Variants in NLGN1 observed in about 807,000 individuals in gnomAD.
The protein encoded by NLGN1 is neuroligin 1, also known as neuroligin-1.
In NLGN1, 12 loss-of-function variants were observed where a neutral mutation model predicts 65.5. The ratio of observed to expected loss-of-function variants is 0.18; its 90% CI spans 0.12 to 0.30. The LOEUF is 0.30. NLGN1 is among the 10% of genes least tolerant of loss of function. NLGN1 has a pLI of 1.00. For synonymous variants in NLGN1, 350 were observed against 359.5 expected (o/e 0.97, Z 0.30); for missense variants, 750 against 1,007.1 (o/e 0.74, Z 3.46).
chr3:173,671,440 C>G (rs1762435380), intron 3 of NLGN1, among the ~76,000 whole-genome samples: 1 of 152,088 alleles, frequency 6.6e-6, no homozygotes, highest in South Asian at 2.1e-4. Context: ...TGTGATTGCG[C>G]CACTGCACTC....
At chr3:173,669,745 C>G (rs571796026) in intron 3 of NLGN1, among the ~76,000 whole-genome samples, 1 of 152,192 alleles carries the variant, frequency 6.6e-6, no homozygotes, top group African/African-American at 2.4e-5. Context: ...TTGGGTGCTT[C>G]CTAGTATTTT....
intron 2 of NLGN1, among the ~76,000 whole-genome samples, chr3:173,527,155 A>G (rs148192891): frequency 1.1e-3 from 168 of 152,250 alleles, no homozygotes; most frequent in African/African-American, 3.8e-3. Context: ...ACCTTTCTCC[A>G]CAGTGGAGAA....
intron 2 of NLGN1, among the ~76,000 whole-genome samples, chr3:173,532,146 CTG>C (rs1356570492): frequency 6.6e-6 from 1 of 152,116 alleles, no homozygotes; most frequent in Non-Finnish European, 1.5e-5. Context: ...AGCTTTTACT[CTG>C]TTCTTGTCTT....
chr3:173,579,970 T>C (rs770907341), intron 2 of NLGN1, among the ~76,000 whole-genome samples: 1 of 152,176 alleles, frequency 6.6e-6, no homozygotes, highest in Non-Finnish European at 1.5e-5. Flanking sequence ...ATATAGTAGG[T>C]ATATATGTTT....
At chr3:174,242,479 C>G (rs771915966) in intron 4 of NLGN1, among the ~76,000 whole-genome samples, 7 of 152,098 alleles carry the variant, frequency 4.6e-5, no homozygotes, top group Non-Finnish European at 7.4e-5. Context: ...ACAGCTGCTC[C>G]CCATTGCTCA....
chr3:174,050,790 A>G (rs1046952801), intron 4 of NLGN1, among the ~76,000 whole-genome samples: 1 of 151,976 alleles, frequency 6.6e-6, no homozygotes, highest in Non-Finnish European at 1.5e-5. Context: ...AAGTGAACAT[A>G]TGAGTGTTGA....
chr3:173,918,975 C>T (rs1370851858), intron 4 of NLGN1, among the ~76,000 whole-genome samples: 2 of 152,036 alleles, frequency 1.3e-5, no homozygotes, highest in Non-Finnish European at 2.9e-5. Flanking sequence ...TTTGAATAAA[C>T]TAGCAGTCCA....
chr3:173,605,057 C>T, exon 3 of NLGN1: 1 of 1,612,318 alleles, frequency 6.2e-7, no homozygotes, highest in East Asian at 2.2e-5. Flanking sequence ...GCGAAGACTG[C>T]CTATATTTAA....
At chr3:173,782,998 AAGAG>A in intron 3 of NLGN1, among the ~76,000 whole-genome samples, 1 of 85,722 alleles carries the variant, frequency 1.2e-5, no homozygotes, top group Non-Finnish European at 2.7e-5. Context: ...TCTTTTAAGA[AAGAG>A]AGGGAATAAA....
chr3:173,428,917 T>C (rs994047675), intron 1 of NLGN1, among the ~76,000 whole-genome samples: 6 of 152,182 alleles, frequency 3.9e-5, no homozygotes, highest in Admixed American at 3.3e-4. Context: ...GTTTTGCTGC[T>C]TTTACAATCC....
chr3:173,803,779 A>G (rs1259958796), intron 3 of NLGN1, among the ~76,000 whole-genome samples: 1 of 152,166 alleles, frequency 6.6e-6, no homozygotes, highest in Non-Finnish European at 1.5e-5. Flanking sequence ...TGATAACTTG[A>G]GGTTCATAAA....
chr3:174,214,779 C>T (rs1375257584), intron 4 of NLGN1, among the ~76,000 whole-genome samples: 1 of 152,090 alleles, frequency 6.6e-6, no homozygotes. Context: ...GATTGGTGGT[C>T]ATCAGGGACC....
chr3:173,675,262 A>G (rs1468536639), intron 3 of NLGN1, among the ~76,000 whole-genome samples: 1 of 152,136 alleles, frequency 6.6e-6, no homozygotes, highest in Non-Finnish European at 1.5e-5. Context: ...ATGGATGAAC[A>G]TCAATAACAT....
At chr3:173,630,259 A>G (rs1243858425) in intron 3 of NLGN1, among the ~76,000 whole-genome samples, 1 of 152,264 alleles carries the variant, frequency 6.6e-6, no homozygotes, top group Non-Finnish European at 1.5e-5. Flanking sequence ...ATTTCCCTCT[A>G]TTGACATCCT....
chr3:173,723,923 A>T (rs1771305207), intron 3 of NLGN1, among the ~76,000 whole-genome samples: 1 of 152,180 alleles, frequency 6.6e-6, no homozygotes, highest in Non-Finnish European at 1.5e-5. Flanking sequence ...TCAGATTCTG[A>T]TGTCTTTTGA....
At chr3:173,500,865 G>A (rs1730982452) in intron 2 of NLGN1, among the ~76,000 whole-genome samples, 1 of 152,014 alleles carries the variant, frequency 6.6e-6, no homozygotes, top group South Asian at 2.1e-4. Context: ...CCCATATAAT[G>A]GTGTTAATTG....
chr3:174,235,353 G>A (rs1388897690), intron 4 of NLGN1, among the ~76,000 whole-genome samples: 1 of 152,044 alleles, frequency 6.6e-6, no homozygotes, highest in Non-Finnish European at 1.5e-5. Context: ...GTCCTAGAGA[G>A]TAATAATTAA....
chr3:174,009,562 G>A (rs1164690989), intron 4 of NLGN1, among the ~76,000 whole-genome samples: 1 of 152,110 alleles, frequency 6.6e-6, no homozygotes, highest in Non-Finnish European at 1.5e-5. Context: ...TTGGTGGAGC[G>A]AGTACATGAA....
At chr3:173,959,197 T>C (rs1359947531) in intron 4 of NLGN1, among the ~76,000 whole-genome samples, 1 of 152,320 alleles carries the variant, frequency 6.6e-6, no homozygotes, top group East Asian at 1.9e-4. Context: ...CAGTCACAGC[T>C]TCAGTGGTTG....
Sources: gnomAD v4.1 joint callset for allele counts (sites outside exome capture counted in the v4.1 genomes callset) on GRCh38, gnomAD v4.1.1 for gene constraint, MANE v1.5 for transcripts, NCBI Gene and HGNC (gene_info 2026-07-23, HGNC 2026-07-21) for gene names.